Variants in PPP2R2B observed in about 807,000 individuals in gnomAD.
PPP2R2B encodes serine/threonine-protein phosphatase 2A 55 kDa regulatory subunit B beta isoform.
A neutral mutation model predicts 46.0 loss-of-function variants in PPP2R2B; 5 were observed. That is an observed-to-expected ratio of 0.11 (90% CI 0.06 to 0.23). The LOEUF (loss-of-function observed/expected upper bound fraction) is 0.23, where lower values mean the gene tolerates loss of function less well. PPP2R2B is among the 10% of genes least tolerant of loss of function. PPP2R2B has a pLI of 1.00. For missense variants in PPP2R2B, 367 were observed against 575.0 expected, an observed-to-expected ratio of 0.64 and a Z score of 3.70; for synonymous variants, 215 against 206.7, an observed-to-expected ratio of 1.04 and a Z score of -0.34.
intron 2 of PPP2R2B, among the ~76,000 whole-genome samples, chr5:146,824,286 CA>C (rs1229622972): frequency 6.6e-6 from 1 of 151,990 alleles, no homozygotes; most frequent in African/African-American, 2.4e-5. Context: ...AGATTCATGA[CA>C]TGGAAAGAAT....
chr5:146,674,256 G>T (rs546909766), intron 5 of PPP2R2B, among the ~76,000 whole-genome samples: 1 of 152,242 alleles, frequency 6.6e-6, no homozygotes, highest in East Asian at 1.9e-4. Flanking sequence ...AACTGATATG[G>T]TGAGAGCTTA....
rs531439841 is a variant in PPP2R2B, at chr5:146,983,422, T to C, written c.79+72243A>G. 8.1e-4 allele frequency among the ~76,000 whole-genome samples: 124 copies of C among 152,252 alleles called. No individual in the cohort carries two copies. In the East Asian group the frequency reaches 0.016, roughly 19 times the overall value. ...GTCTTGATCTCCTGACCTCGTGATC[T>C]GCCCGCCTTGGCCTCCCAAAGTGCT... On this transcript the variant is annotated intron_variant, in intron 1 of 8. Transcript: ENST00000336640.
chr5:147,049,796 G>A (rs961453088), intron 1 of PPP2R2B, among the ~76,000 whole-genome samples: 1 of 152,180 alleles, frequency 6.6e-6, no homozygotes, highest in African/African-American at 2.4e-5. Flanking sequence ...GCAATGTGGT[G>A]GTCATTGTTG....
At chr5:147,081,131 C>A in exon 2 of PPP2R2B, 1 of 1,535,602 alleles carries the variant, frequency 6.5e-7, no homozygotes, top group South Asian at 1.2e-5. Flanking sequence ...GTGAGTGTCC[C>A]AATTCCTGAA....
chr5:146,807,774 TTC>T (rs1757268454), intron 2 of PPP2R2B, among the ~76,000 whole-genome samples: 2 of 106,966 alleles, frequency 1.9e-5, no homozygotes, highest in African/African-American at 3.6e-5. Context: ...CTGGGGTGCC[TTC>T]TTTTTTTTTT....
intron 1 of PPP2R2B, among the ~76,000 whole-genome samples, chr5:146,889,192 T>A (rs925938586): frequency 6.6e-6 from 1 of 152,172 alleles, no homozygotes; most frequent in African/African-American, 2.4e-5. Context: ...CTAGGATGCT[T>A]ATGTAGTAAA....
chr5:146,932,846 A>G (rs986322055), intron 1 of PPP2R2B, among the ~76,000 whole-genome samples: 3 of 152,174 alleles, frequency 2.0e-5, no homozygotes, highest in African/African-American at 7.2e-5. Context: ...TAGTATATGC[A>G]GAGAGATATC....
intron 1 of PPP2R2B, among the ~76,000 whole-genome samples, chr5:146,957,935 G>A (rs191166297): frequency 6.6e-6 from 1 of 152,278 alleles, no homozygotes; most frequent in African/African-American, 2.4e-5. Flanking sequence ...AGCCTATGGT[G>A]TTGGCTGCAT....
At chr5:146,907,539 T>C (rs1763040951) in intron 1 of PPP2R2B, among the ~76,000 whole-genome samples, 1 of 152,224 alleles carries the variant, frequency 6.6e-6, no homozygotes, top group South Asian at 2.1e-4. Context: ...ATCACCAAGT[T>C]GGAGAAAGGG....
At chr5:146,919,928 T>A (rs561839186) in intron 1 of PPP2R2B, 1 of 151,900 alleles carries the variant, frequency 6.6e-6, no homozygotes, top group Admixed American at 6.6e-5. Context: ...TGGCAGCCAC[T>A]GATATAGCTC....
At chr5:146,918,093 T>C (rs772064626) in intron 1 of PPP2R2B, among the ~76,000 whole-genome samples, 10 of 152,178 alleles carry the variant, frequency 6.6e-5, no homozygotes, top group Non-Finnish European at 1.5e-4. Context: ...TGCATTTTTG[T>C]ATGTTTAGGC....
At position 146,976,294 on chromosome 5, in the gene PPP2R2B, C is replaced by T. The variant is rs151022633; in HGVS notation, c.79+79371G>A. ...CTGGGACTACAGGCATGCACCACTA[C>T]GCCCAACTAATTTTTGTATTTTTAG... is the stretch of plus-strand genomic sequence containing the variant. On this transcript the variant is annotated intron_variant, in intron 1 of 8. Transcript: ENST00000336640. Among the ~76,000 whole-genome samples, 1,329 of 151,906 alleles carry T rather than the reference C, an allele frequency of 8.7e-3. 29 individuals are homozygous for T. Among genetic ancestry groups the T allele is most frequent in the African/African-American group, 0.029 (1,211 of 41,440 alleles).
At chr5:146,837,035 A>G (rs1288342474) in intron 2 of PPP2R2B, among the ~76,000 whole-genome samples, 1 of 152,254 alleles carries the variant, frequency 6.6e-6, no homozygotes, top group Non-Finnish European at 1.5e-5. Context: ...ATCCTGGAAG[A>G]GTTTAAAATT....
At chr5:146,654,534 CTCT>C (rs1174237783) in intron 5 of PPP2R2B, among the ~76,000 whole-genome samples, 1 of 152,198 alleles carries the variant, frequency 6.6e-6, no homozygotes, top group African/African-American at 2.4e-5. Flanking sequence ...GCCTTAGAGC[CTCT>C]TCCTAGGACA....
intron 1 of PPP2R2B, among the ~76,000 whole-genome samples, chr5:146,948,346 G>A (rs1250691100): frequency 1.3e-5 from 2 of 151,934 alleles, no homozygotes; most frequent in African/African-American, 2.4e-5. Context: ...ATACAACGAG[G>A]GATAATGTTA....
At chr5:146,725,797 A>G (rs1297543780) in intron 2 of PPP2R2B, among the ~76,000 whole-genome samples, 2 of 152,176 alleles carry the variant, frequency 1.3e-5, no homozygotes, top group African/African-American at 2.4e-5. Context: ...AGAATTTATC[A>G]CATGTACTTA....
intron 5 of PPP2R2B, among the ~76,000 whole-genome samples, chr5:146,673,318 G>T (rs1777492783): frequency 6.6e-6 from 1 of 151,872 alleles, no homozygotes; most frequent in African/African-American, 2.4e-5. Flanking sequence ...AAGTACAAAT[G>T]TCTAATGTTG....
At chr5:147,012,325 G>C (rs892409672) in intron 1 of PPP2R2B, among the ~76,000 whole-genome samples, 7 of 152,154 alleles carry the variant, frequency 4.6e-5, no homozygotes, top group Non-Finnish European at 8.8e-5. Flanking sequence ...ATGTGTTGAG[G>C]AATTTATCCA....
At chr5:146,963,204 A>G (rs1752255375) in intron 1 of PPP2R2B, among the ~76,000 whole-genome samples, 3 of 152,196 alleles carry the variant, frequency 2.0e-5, no homozygotes, top group Non-Finnish European at 2.9e-5. Context: ...ATCAAATCAA[A>G]TCAAAATCAG....
Sources: allele counts gnomAD v4.1 joint callset (sites outside exome capture counted in the v4.1 genomes callset), GRCh38; gene constraint gnomAD v4.1.1; transcripts MANE v1.5; gene names NCBI Gene and HGNC (gene_info 2026-07-23, HGNC 2026-07-21).